Variants in SEC62 observed in about 807,000 individuals in gnomAD.
SEC62 encodes the protein translocation protein SEC62.
A neutral mutation model predicts 47.5 loss-of-function variants in SEC62; 10 were observed. The observed-to-expected ratio is 0.21, with a 90% CI of 0.13 to 0.36. The LOEUF (loss-of-function observed/expected upper bound fraction) is 0.36. Ranked by LOEUF, SEC62 falls within the 10% of genes least tolerant of loss-of-function variation. The probability of loss-of-function intolerance (pLI) is 1.00; values close to 1 mark genes in which losing one functional copy is unlikely to be tolerated. For missense variants in SEC62, 327 were observed against 464.1 expected, an observed-to-expected ratio of 0.70 and a Z score of 2.71; for synonymous variants, 136 against 150.5, an observed-to-expected ratio of 0.90 and a Z score of 0.71.
intron 3 of SEC62, among the ~76,000 whole-genome samples, chr3:169,977,680 A>G (rs1714870098): frequency 6.6e-6 from 1 of 152,170 alleles, no homozygotes; most frequent in South Asian, 2.1e-4. Flanking sequence ...GGAAGGAAGT[A>G]TGCTGGTTTT....
At chr3:169,985,916 A>G in intron 6 of SEC62, 51 bp downstream of exon 6, 3 of 1,266,486 alleles carry the variant, frequency 2.4e-6, no homozygotes, top group Admixed American at 1.9e-5. Flanking sequence ...AATTTAGAAA[A>G]CAATATGCAG....
At chr3:169,969,232 A>G (rs1258222602) in intron 1 of SEC62, 10 of 447,328 alleles carry the variant, frequency 2.2e-5, no homozygotes, top group Non-Finnish European at 4.0e-5. Flanking sequence ...ATACAAACAA[A>G]TAAGTTCAGG....
At chr3:169,978,147 C>T (rs1214648900) in intron 3 of SEC62, among the ~76,000 whole-genome samples, 1 of 151,910 alleles carries the variant, frequency 6.6e-6, no homozygotes, top group African/African-American at 2.4e-5. Context: ...GGTGTGGTGG[C>T]GGGCACCTAT....
At chr3:169,975,889 AAAG>A (rs1219077849) in intron 2 of SEC62, among the ~76,000 whole-genome samples, 173 bp downstream of exon 2, 1 of 152,248 alleles carries the variant, frequency 6.6e-6, no homozygotes, top group Non-Finnish European at 1.5e-5. Context: ...TCTATAATAA[AAAG>A]ATAACATGTT....
intron 3 of SEC62, among the ~76,000 whole-genome samples, chr3:169,979,923 G>C (rs1172339379): frequency 1.3e-5 from 2 of 151,850 alleles, no homozygotes; most frequent in African/African-American, 4.8e-5. Context: ...ACTCACCTTT[G>C]CCACATTGGT....
rs1289101394 is a variant in SEC62, at chr3:169,992,370, T to G, written c.731-224T>G. On this transcript the variant is annotated intron_variant, in intron 7 of 7. Coordinates refer to ENST00000337002, the MANE Select transcript of SEC62 (RefSeq NM_003262.4). This position sits in a 1 kb window ranked among gnomAD's most constrained non-coding sequence, Gnocchi z 4.0. ...TTTCAGGCATGCAGTGGTGTAATTA[T>G]AGCTCACTGCAGCCTCGAGCTCCTG... Among the ~76,000 whole-genome samples the G allele has an allele frequency of 6.6e-6, 1 of 152,170 alleles. No homozygotes were observed. Among genetic ancestry groups the G allele is most frequent in the African/African-American group, 2.4e-5 (1 of 41,420 alleles).
intron 3 of SEC62, among the ~76,000 whole-genome samples, chr3:169,979,307 T>G (rs1466951709): frequency 6.6e-6 from 1 of 152,168 alleles, no homozygotes; most frequent in African/African-American, 2.4e-5. Flanking sequence ...TCTTGACCAG[T>G]TTCTTTTTTT....
chr3:169,966,957 TGG>T, intron 1 of SEC62, 99 bp downstream of exon 1: 2 of 44,402 alleles, frequency 4.5e-5, no homozygotes, highest in Non-Finnish European at 1.2e-4. Context: ...AAGGGCGAGG[TGG>T]GGTGGGGTGG....
chr3:169,990,136 C>G (rs1156553524), intron 7 of SEC62, among the ~76,000 whole-genome samples: 3 of 151,194 alleles, frequency 2.0e-5, no homozygotes, highest in East Asian at 3.9e-4. Context: ...GGGTCTTGCT[C>G]TGTTGCCCAG....
chr3:169,980,522 C>T (rs1714944656), intron 3 of SEC62, among the ~76,000 whole-genome samples: 1 of 152,114 alleles, frequency 6.6e-6, no homozygotes, highest in Non-Finnish European at 1.5e-5. Flanking sequence ...ACTTTTCTTT[C>T]GTGGGGGTGG....
intron 1 of SEC62, among the ~76,000 whole-genome samples, chr3:169,973,692 A>T (rs192960442): frequency 2.6e-5 from 4 of 151,932 alleles, no homozygotes; most frequent in Admixed American, 2.0e-4. Context: ...ACTTTTTGTG[A>T]TACGTATTTT....
At position 169,998,107 on chromosome 3, in the gene SEC62, A is replaced by G. The variant is rs894269296; in HGVS notation, c.*5044A>G. On this transcript the variant is annotated 3_prime_UTR_variant, in exon 8 of 8. Transcript: ENST00000337002. ...AATTAAAGTTAATTTTTCCCATCCA[A>G]GTTCATGTATCTTCTGAATTCTATC... is the stretch of plus-strand genomic sequence containing the variant. The G allele has an allele frequency of 1.3e-5, 2 of 152,220 alleles. No homozygotes were observed. Among genetic ancestry groups the G allele is most frequent in the African/African-American group, 4.8e-5 (2 of 41,454 alleles). The allele number at this position is 152,220 out of a possible 1,614,324, so 9.4% of individuals were successfully genotyped here.
intron 6 of SEC62, among the ~76,000 whole-genome samples, chr3:169,987,677 C>CT (rs1436615757): frequency 1.3e-5 from 2 of 152,114 alleles, no homozygotes; most frequent in African/African-American, 4.8e-5. Context: ...TCTTATAATT[C>CT]TTTCTTGTGT....
chr3:169,992,499 G>A lies in SEC62; in HGVS notation c.731-95G>A. The stretch of plus-strand genomic sequence containing the variant: ...ATATTTAAGGTGTATGAAATGTGCA[G>A]ATAATAAAACTGTTTTCCCAGCTTT... On this transcript the variant is annotated intron_variant, in intron 7 of 7. Transcript: ENST00000337002. This position sits in a 1 kb window ranked among gnomAD's most constrained non-coding sequence, Gnocchi z 4.0. 1 of 809,372 alleles carries A rather than the reference G, an allele frequency of 1.2e-6. No homozygotes were observed. The highest frequency in any genetic ancestry group is 2.4e-5 in the Admixed American group (1 of 40,976). 50.1% of individuals were successfully genotyped at this position (809,372 alleles called of 1,614,324 possible). A position where few individuals can be genotyped will look rare whatever the true frequency, so the allele number is the denominator to read the frequency against.
chr3:169,980,656 A>G (rs1714950507), intron 3 of SEC62, among the ~76,000 whole-genome samples: 1 of 152,196 alleles, frequency 6.6e-6, no homozygotes, highest in South Asian at 2.1e-4. Context: ...AAAATTCTTT[A>G]TTAAGAATCA....
Position 169,993,234 on chromosome 3 carries a change from C to T in SEC62, c.*171C>T. 1 of 591,422 alleles carries T rather than the reference C, an allele frequency of 1.7e-6. No individual in the cohort carries two copies. The highest frequency in any genetic ancestry group is 2.2e-5 in the South Asian group (1 of 44,994). The allele number at this position is 591,422 out of a possible 1,614,324, so 36.6% of individuals were successfully genotyped here. On this transcript the variant is annotated 3_prime_UTR_variant, in exon 8 of 8. Transcript: ENST00000337002. ...TCCTTCATTTTATAGAATATTGGCA[C>T]TATTATTGGTACAGTTTAAAGCCAT...
At chr3:169,973,290 G>C (rs932411930) in intron 1 of SEC62, among the ~76,000 whole-genome samples, 23 of 152,052 alleles carry the variant, frequency 1.5e-4, no homozygotes, top group African/African-American at 5.3e-4. Flanking sequence ...TTGCAGTCAG[G>C]CCTCAAATAA....
chr3:169,971,796 G>A (rs1023719710), intron 1 of SEC62, among the ~76,000 whole-genome samples: 2 of 152,182 alleles, frequency 1.3e-5, no homozygotes, highest in South Asian at 4.1e-4. Flanking sequence ...GCAGTCAGTA[G>A]ATTAGTATAT....
intron 3 of SEC62, among the ~76,000 whole-genome samples, chr3:169,980,041 T>C (rs1211907450): frequency 3.3e-5 from 5 of 152,192 alleles, no homozygotes; most frequent in Non-Finnish European, 1.5e-5. Context: ...TTTTAGAAGC[T>C]GTTTTAAAAC....
Sources: gnomAD v4.1 joint callset for allele counts (sites outside exome capture counted in the v4.1 genomes callset) on GRCh38, gnomAD v4.1.1 for gene constraint, Gnocchi (gnomAD v3.1) non-coding constraint, MANE v1.5 for transcripts, NCBI Gene and HGNC (gene_info 2026-07-23, HGNC 2026-07-21) for gene names.